SMAD5: variants seen among roughly 807,000 people sequenced by gnomAD.
The protein encoded by SMAD5 is SMAD family member 5.
SMAD5 carries 9 observed loss-of-function variants against 43.1 expected under a neutral mutation model. That is an observed-to-expected ratio of 0.21 (90% CI 0.13 to 0.36). SMAD5 has a LOEUF of 0.36. SMAD5 is among the 10% of genes least tolerant of loss of function. The pLI is 1.00. For missense variants in SMAD5, 348 were observed against 574.0 expected (o/e 0.61, Z 4.02); for synonymous variants, 190 against 192.4 (o/e 0.99, Z 0.10).
At chr5:136,147,002 A>AT (rs1041620915) in intron 1 of SMAD5, among the ~76,000 whole-genome samples, 1 of 151,726 alleles carries the variant, frequency 6.6e-6, no homozygotes, top group African/African-American at 2.4e-5. Flanking sequence ...GACTATATAT[A>AT]TGCAGAGGAA....
chr5:136,146,516 G>T (rs544630383), intron 1 of SMAD5, among the ~76,000 whole-genome samples: 1 of 151,774 alleles, frequency 6.6e-6, no homozygotes, highest in South Asian at 2.1e-4. Flanking sequence ...AATGTTCAGA[G>T]GTATTGCAGG....
chr5:136,176,457 C>CAAAAAAAAAAAAAAAAAAAAAAA (rs60311104), intron 7 of SMAD5, among the ~76,000 whole-genome samples: 1 of 68,534 alleles, frequency 1.5e-5, no homozygotes, highest in African/African-American at 4.9e-5. Context: ...CTCTGTCTCA[C>CAAAAAAAAAAAAAAAAAAAAAAA]AAAAAAAAAA....
At position 136,180,793 on chromosome 5, in the gene SMAD5, C is replaced by G. The variant is rs2149785123; in HGVS notation, c.*3313C>G. The stretch of plus-strand genomic sequence containing the variant: ...TACTAGACAGTTCAACAAGCCACAT[C>G]TAATGGCACAGATAGAGGATGTAGC... On this transcript the variant is annotated 3_prime_UTR_variant, in exon 8 of 8. Transcript: ENST00000545279. The G allele has an allele frequency of 6.6e-6, 1 of 152,230 alleles. No individual in the cohort carries two copies. Among genetic ancestry groups the G allele is most frequent in the African/African-American group, 2.4e-5 (1 of 41,568 alleles). The allele number at this position is 152,230 out of a possible 1,614,324, so 9.4% of individuals were successfully genotyped here. A position where few individuals can be genotyped will look rare whatever the true frequency, so the allele number is the denominator to read the frequency against.
chr5:136,171,332 A>G (rs913834033), intron 5 of SMAD5, among the ~76,000 whole-genome samples: 5 of 152,194 alleles, frequency 3.3e-5, no homozygotes, highest in Non-Finnish European at 4.4e-5. Context: ...TTTTGTCTCA[A>G]ATTTAAACCT....
At chr5:136,175,352 A>G (rs1754378441) in intron 7 of SMAD5, among the ~76,000 whole-genome samples, 1 of 152,222 alleles carries the variant, frequency 6.6e-6, no homozygotes, top group African/African-American at 2.4e-5. Context: ...GATTATTATT[A>G]CTAGATTTCA....
Position 136,176,983 on chromosome 5 carries a change from A to G in SMAD5, c.1255-354A>G, listed in dbSNP as rs187631751. 2.3e-3 allele frequency among the ~76,000 whole-genome samples: 354 copies of G among 152,226 alleles called. 4 individuals are homozygous for G. Among genetic ancestry groups the G allele is most frequent in the Admixed American group, 0.02 (310 of 15,284 alleles). Reference sequence around the variant, plus strand: ...TTCTAGTGGTGATTTTCTATTTTGCATTTATCCCATTAAGGGAGAATGTAT... The same window carrying G: ...TTCTAGTGGTGATTTTCTATTTTGCGTTTATCCCATTAAGGGAGAATGTAT... On this transcript the variant is annotated intron_variant, in intron 7 of 7. Transcript: ENST00000545279.
intron 3 of SMAD5, among the ~76,000 whole-genome samples, chr5:136,156,876 A>C (rs1753655532): frequency 6.6e-6 from 1 of 152,190 alleles, no homozygotes; most frequent in Non-Finnish European, 1.5e-5. Context: ...TTGGAAAGAG[A>C]CTATAGAGAC....
At chr5:136,160,166 A>G (rs1361317687) in intron 3 of SMAD5, among the ~76,000 whole-genome samples, 2 of 152,240 alleles carry the variant, frequency 1.3e-5, no homozygotes, top group African/African-American at 4.8e-5. Flanking sequence ...CATTATGGTC[A>G]TATTTAGAAG....
chr5:136,133,280 C>T (rs1752739930), intron 1 of SMAD5: 1 of 152,666 alleles, frequency 6.6e-6, no homozygotes, highest in South Asian at 2.1e-4. Context: ...AGGGGACCCC[C>T]TGACCCCGCG....
chr5:136,150,228 C>T (rs962330098), intron 2 of SMAD5, among the ~76,000 whole-genome samples: 1 of 151,750 alleles, frequency 6.6e-6, no homozygotes, highest in Middle Eastern at 3.2e-3. Context: ...CCTGTATCTC[C>T]AGTCATGACC....
chr5:136,143,058 T>C (rs1305782156), intron 1 of SMAD5, among the ~76,000 whole-genome samples: 2 of 151,924 alleles, frequency 1.3e-5, no homozygotes, highest in Non-Finnish European at 2.9e-5. Flanking sequence ...TATCTACATA[T>C]TTATTCCTTT....
In SMAD5 at chr5:136,157,576, C is replaced by T. The variant is rs543681961; in HGVS notation, c.404-3280C>T. Among the ~76,000 whole-genome samples the T allele has an allele frequency of 8.9e-4, 136 of 152,250 alleles. 1 individual carries two copies. The highest frequency in any genetic ancestry group is 6.8e-3 in the Middle Eastern group (2 of 294). On this transcript the variant is annotated intron_variant, in intron 3 of 7. Transcript: ENST00000545279. ...TGTCTCATCCAGGCATGATGGGAGA[C>T]AGTGACAGATCATCAGGCATTAGAT...
intron 1 of SMAD5, among the ~76,000 whole-genome samples, chr5:136,147,185 G>A (rs2149764195): frequency 6.6e-6 from 1 of 151,758 alleles, no homozygotes; most frequent in Non-Finnish European, 1.5e-5. Flanking sequence ...AATTAGAAAA[G>A]CTTTGGAGTA....
At chr5:136,134,880 C>T (rs773525273) in intron 1 of SMAD5, 1 of 152,122 alleles carries the variant, frequency 6.6e-6, no homozygotes, top group Non-Finnish European at 1.5e-5. Flanking sequence ...GCTTCCATTC[C>T]TTTCAGATCA....
At position 136,174,572 on chromosome 5, in the gene SMAD5, T is replaced by C; in HGVS notation, c.1194T>C (p.His398=). The C allele has an allele frequency of 1.2e-6, 2 of 1,613,552 alleles. No homozygotes were observed. Among genetic ancestry groups the C allele is most frequent in the Middle Eastern group, 1.6e-4 (1 of 6,062 alleles). ...AGCTTCTGGCTCAATCTGTCAACCA[T>C]GGGTTTGAGGCAGTATATGAGCTCA... ...FAQLLAQSVN[H]GFEAVYELTK... is the part of the protein sequence containing the mutation. Residue 398 remains histidine (H), a synonymous_variant, in exon 7 of 8, where the codon CAT becomes CAC. Coordinates refer to ENST00000545279, the MANE Select transcript of SMAD5 (RefSeq NM_005903.7).
chr5:136,164,081 T>C (rs922096038), intron 5 of SMAD5, among the ~76,000 whole-genome samples: 7 of 152,154 alleles, frequency 4.6e-5, no homozygotes, highest in African/African-American at 1.7e-4. Flanking sequence ...TAATCCCAGC[T>C]ACTCTGGAGG....
intron 1 of SMAD5, chr5:136,133,958 A>G (rs913344964): frequency 2.8e-5 from 4 of 141,522 alleles, no homozygotes; most frequent in African/African-American, 1.1e-4. Context: ...GCAAGCCTGT[A>G]GGTGAGGAAT....
chr5:136,161,143 A>G, intron 4 of SMAD5, 36 bp downstream of exon 4: 13 of 1,587,304 alleles, frequency 8.2e-6, no homozygotes, highest in Non-Finnish European at 1.1e-5. Flanking sequence ...AAAAAAAAAA[A>G]ATTCCTAAGA....
At chr5:136,139,886 T>C (rs970569429) in intron 1 of SMAD5, among the ~76,000 whole-genome samples, 1 of 152,112 alleles carries the variant, frequency 6.6e-6, no homozygotes, top group Non-Finnish European at 1.5e-5. Context: ...AACAATTTTT[T>C]TTTGTAGAGA....
Sources: gnomAD v4.1 joint callset for allele counts (sites outside exome capture counted in the v4.1 genomes callset) on GRCh38, gnomAD v4.1.1 for gene constraint, MANE v1.5 for transcripts, NCBI Gene and HGNC (gene_info 2026-07-23, HGNC 2026-07-21) for gene names.